POLR3G: variants seen among roughly 807,000 people sequenced by gnomAD.
POLR3G encodes the protein DNA-directed RNA polymerase III subunit RPC7.
In POLR3G, 28 loss-of-function variants were observed where a neutral mutation model predicts 30.1. That is an observed-to-expected ratio of 0.93 (90% CI 0.69 to 1.27). The LOEUF is 1.27. POLR3G is among the 50% of genes most tolerant of loss of function. POLR3G has a pLI of 0.00. For synonymous variants in POLR3G, 79 were observed against 82.5 expected, an observed-to-expected ratio of 0.96 and a Z score of 0.23; for missense variants, 254 against 264.6, an observed-to-expected ratio of 0.96 and a Z score of 0.28.
intron 3 of POLR3G, among the ~76,000 whole-genome samples, chr5:90,492,538 T>C (rs1751775288): frequency 6.6e-6 from 1 of 152,150 alleles, no homozygotes; most frequent in Non-Finnish European, 1.5e-5. Context: ...TGAAAATATT[T>C]TGCAAGTATA....
At chr5:90,511,018 A>T (rs1339523730) in intron 7 of POLR3G, among the ~76,000 whole-genome samples, 1 of 152,098 alleles carries the variant, frequency 6.6e-6, no homozygotes, top group Non-Finnish European at 1.5e-5. Flanking sequence ...AAATGTAGTG[A>T]CTAGTAAAAG....
chr5:90,493,092 A>G (rs1324930000), intron 3 of POLR3G, among the ~76,000 whole-genome samples: 1 of 152,232 alleles, frequency 6.6e-6, no homozygotes, highest in East Asian at 1.9e-4. Flanking sequence ...CAGAAGGCAT[A>G]TATTCTAGGT....
intron 7 of POLR3G, among the ~76,000 whole-genome samples, chr5:90,510,987 G>C (rs556504003): frequency 2.0e-5 from 3 of 151,808 alleles, no homozygotes; most frequent in Non-Finnish European, 4.4e-5. Flanking sequence ...TCTTATTATA[G>C]CAGATCTCAA....
intron 7 of POLR3G, among the ~76,000 whole-genome samples, chr5:90,511,438 T>C (rs536804802): frequency 2.6e-5 from 4 of 152,290 alleles, no homozygotes; most frequent in African/African-American, 9.6e-5. Context: ...GATTGTAAGA[T>C]ACTGGAGGCC....
chr5:90,512,527 T>C lies in POLR3G; in HGVS notation c.*388T>C, dbSNP rs868608222. On this transcript the variant is annotated 3_prime_UTR_variant, in exon 8 of 8. Transcript: ENST00000651687. ...ATAATGGATTTCTATAACCTGAAAG[T>C]TGATATAATACAGCACGTGGAGCAC... 1.2e-5 allele frequency: 2 copies of C among 165,532 alleles called. No homozygotes were observed. Among genetic ancestry groups the C allele is most frequent in the African/African-American group, 4.8e-5 (2 of 41,792 alleles). 10.3% of individuals were successfully genotyped at this position (165,532 alleles called of 1,614,324 possible). A position where few individuals can be genotyped will look rare whatever the true frequency, so the allele number is the denominator to read the frequency against.
chr5:90,503,732 A>G (rs1404275767), intron 6 of POLR3G, among the ~76,000 whole-genome samples: 3 of 152,192 alleles, frequency 2.0e-5, no homozygotes, highest in African/African-American at 2.4e-5. Context: ...AGTTTTTTTT[A>G]TAATAGAGCA....
chr5:90,485,284 G>A (rs1416050071), intron 1 of POLR3G, among the ~76,000 whole-genome samples: 3 of 152,174 alleles, frequency 2.0e-5, no homozygotes, highest in Non-Finnish European at 2.9e-5. Flanking sequence ...GGTGAATTGC[G>A]TGGACTGGAT....
Position 90,512,806 on chromosome 5 carries a change from C to G in POLR3G, c.*667C>G, listed in dbSNP as rs1752798968. 1.3e-5 allele frequency: 2 copies of G among 152,276 alleles called. No homozygotes were observed. Among genetic ancestry groups the G allele is most frequent in the South Asian group, 4.1e-4 (2 of 4,826 alleles). The allele number at this position is 152,276 out of a possible 1,614,324, so 9.4% of individuals were successfully genotyped here. A position where few individuals can be genotyped will look rare whatever the true frequency, so the allele number is the denominator to read the frequency against. The stretch of plus-strand genomic sequence containing the variant: ...AATATTATAATACTTGAATTTGAGA[C>G]TTAATACTGTATATGAATTAATCAT... On this transcript the variant is annotated 3_prime_UTR_variant, in exon 8 of 8. Coordinates refer to ENST00000651687, the MANE Select transcript of POLR3G (RefSeq NM_006467.3).
rs561315754 is a variant in POLR3G, at chr5:90,505,304, C to T, written c.439-1224C>T. Among the ~76,000 whole-genome samples, 145 of 152,154 alleles carry T rather than the reference C, an allele frequency of 9.5e-4. 1 individual carries two copies. The highest frequency in any genetic ancestry group is 2.1e-3 in the South Asian group (10 of 4,818). On this transcript the variant is annotated intron_variant, in intron 6 of 7. Transcript: ENST00000651687. ...CACATTTTAGCTGAGGTGACTTATG[C>T]CTTAATTATGCGTATTAATATGTGA... is the stretch of plus-strand genomic sequence containing the variant.
At chr5:90,481,366 A>G (rs1751115890) in intron 1 of POLR3G, among the ~76,000 whole-genome samples, 1 of 152,116 alleles carries the variant, frequency 6.6e-6, no homozygotes, top group Non-Finnish European at 1.5e-5. Flanking sequence ...CTAAACCTCT[A>G]GTTTACCTGT....
chr5:90,497,616 A>G (rs776138694), intron 4 of POLR3G, 40 bp from the exon 5 acceptor site: 4 of 1,570,848 alleles, frequency 2.5e-6, no homozygotes, highest in Admixed American at 4.0e-5. Context: ...ACAAATTCCT[A>G]GAGGAAACTG....
At chr5:90,488,884 T>A (rs1751582186) in intron 3 of POLR3G, among the ~76,000 whole-genome samples, 1 of 152,128 alleles carries the variant, frequency 6.6e-6, no homozygotes. Context: ...TGGGAAGTGG[T>A]TTTATAGGAA....
intron 5 of POLR3G, among the ~76,000 whole-genome samples, chr5:90,500,905 A>G (rs1016767867): frequency 2.0e-5 from 3 of 152,190 alleles, no homozygotes; most frequent in African/African-American, 7.2e-5. Flanking sequence ...TTTGACCACA[A>G]TGGGACAATT....
chr5:90,485,439 C>A, intron 1 of POLR3G, 86 bp from the exon 2 acceptor site: 1 of 669,044 alleles, frequency 1.5e-6, no homozygotes, highest in Non-Finnish European at 2.6e-6. Flanking sequence ...GTCAACTGTG[C>A]TACTTAAGGG....
rs560590882 is a variant in POLR3G, at chr5:90,513,372, TC to T, written c.*1235del. On this transcript the variant is annotated 3_prime_UTR_variant, in exon 8 of 8. Transcript: ENST00000651687. ...TTGGTTGTTTCTGTGCCTTAGTTTCTCCACTCGTAAACAATTTCCTATAAAA... is the reference window on the plus strand; with the variant it reads ...TTGGTTGTTTCTGTGCCTTAGTTTCTCACTCGTAAACAATTTCCTATAAAA... 2.9e-4 allele frequency: 45 copies of T among 152,738 alleles called. No homozygotes were observed. Among genetic ancestry groups the T allele is most frequent in the East Asian group, 2.7e-3 (14 of 5,192 alleles). 9.5% of individuals were successfully genotyped at this position (152,738 alleles called of 1,614,324 possible).
intron 3 of POLR3G, among the ~76,000 whole-genome samples, chr5:90,489,473 G>T (rs754629813): frequency 1.3e-5 from 2 of 151,564 alleles, no homozygotes; most frequent in Non-Finnish European, 2.9e-5. Flanking sequence ...ATGTTGGCTA[G>T]GCTGGTCTTG....
intron 5 of POLR3G, among the ~76,000 whole-genome samples, chr5:90,499,026 A>G (rs75101491): frequency 0.019 from 2,875 of 152,298 alleles, 84 homozygotes; most frequent in African/African-American, 0.065. Flanking sequence ...CAGGTTTGTG[A>G]GAGAAAATCA....
chr5:90,491,085 CT>C (rs1751703049), intron 3 of POLR3G, among the ~76,000 whole-genome samples: 1 of 152,148 alleles, frequency 6.6e-6, no homozygotes, highest in African/African-American at 2.4e-5. Context: ...AGTCAAGTGG[CT>C]GGTGGCTCAG....
chr5:90,491,243 A>C (rs1751710594), intron 3 of POLR3G, among the ~76,000 whole-genome samples: 1 of 152,226 alleles, frequency 6.6e-6, no homozygotes. Flanking sequence ...TATTTATATA[A>C]TAAAGGAAAA....
Sources: allele counts gnomAD v4.1 joint callset (sites outside exome capture counted in the v4.1 genomes callset), GRCh38; gene constraint gnomAD v4.1.1; transcripts MANE v1.5; gene names NCBI Gene and HGNC (gene_info 2026-07-23, HGNC 2026-07-21).